The following CNTN4 variants were observed in gnomAD, a reference collection of about 807,000 sequenced individuals.
CNTN4 encodes the protein contactin 4.
In CNTN4, 77 loss-of-function variants were observed where a neutral mutation model predicts 122.5. That is an observed-to-expected ratio of 0.63 (90% CI 0.52 to 0.76). CNTN4 has a LOEUF of 0.76. Among genes scored for constraint, CNTN4 ranks in the 30% least tolerant of loss-of-function variants. CNTN4 has a pLI of 0.00. For missense variants in CNTN4, 1,256 were observed against 1,259.1 expected (o/e 1.00, Z 0.04); for synonymous variants, 512 against 447.0 (o/e 1.15, Z -1.83).
intron 4 of CNTN4, among the ~76,000 whole-genome samples, chr3:2,695,439 C>A (rs1469122208): frequency 6.6e-6 from 1 of 152,136 alleles, no homozygotes; most frequent in African/African-American, 2.4e-5. Context: ...TTTTTCAGAC[C>A]AAGTATATAG....
chr3:2,362,148 C>G (rs2045175594), intron 3 of CNTN4: 1 of 156,460 alleles, frequency 6.4e-6, no homozygotes, highest in Admixed American at 6.4e-5. Context: ...AGGAGAGTGG[C>G]TTGAGCATGA....
intron 2 of CNTN4, among the ~76,000 whole-genome samples, chr3:2,198,250 G>C (rs564494783): frequency 2.0e-5 from 3 of 152,122 alleles, no homozygotes; most frequent in Non-Finnish European, 2.9e-5. Context: ...GTTGCTCTCA[G>C]TTTTATTACC....
chr3:2,611,863 A>G (rs949060803), intron 4 of CNTN4, among the ~76,000 whole-genome samples: 1 of 152,114 alleles, frequency 6.6e-6, no homozygotes, highest in African/African-American at 2.4e-5. Context: ...ACAGTTTTTA[A>G]TCACTTTTTT....
chr3:2,899,949 A>G (rs2094155346), intron 10 of CNTN4, among the ~76,000 whole-genome samples: 1 of 152,196 alleles, frequency 6.6e-6, no homozygotes, highest in Non-Finnish European at 1.5e-5. Context: ...TTAGTGAGGG[A>G]CAAGCTAAGC....
chr3:2,814,074 AC>A (rs1264395791), intron 6 of CNTN4, among the ~76,000 whole-genome samples: 2 of 152,222 alleles, frequency 1.3e-5, no homozygotes, highest in African/African-American at 4.8e-5. Flanking sequence ...AGAATAAAGG[AC>A]AGCTGTTTTC....
chr3:2,997,447 C>T (rs944841526), intron 14 of CNTN4, among the ~76,000 whole-genome samples: 9 of 152,192 alleles, frequency 5.9e-5, no homozygotes, highest in South Asian at 2.1e-4. Context: ...AGAAAGGAGA[C>T]GTGTCAGAAT....
chr3:2,435,050 G>A (rs1382234068), intron 3 of CNTN4, among the ~76,000 whole-genome samples: 1 of 152,136 alleles, frequency 6.6e-6, no homozygotes, highest in Non-Finnish European at 1.5e-5. Flanking sequence ...AATATGTGAA[G>A]CAGAGAGTTG....
At position 3,042,980 on chromosome 3, in the gene CNTN4, A is replaced by G. The variant is rs1700303821; in HGVS notation, c.2515A>G (p.Lys839Glu). The part of the protein sequence containing the change: ...NRGRIQGYEV[K>E]YWRHEDKEEN... The stretch of plus-strand genomic sequence containing the variant: ...GTCTTTCTGTTTATCTTCTTAGGTT[A>G]AATATTGGAGACATGAAGACAAAGA... Residue 839 changes from lysine to glutamate, a missense_variant, in exon 22 of 25, where the codon AAA becomes GAA. Coordinates refer to ENST00000418658, the MANE Select transcript of CNTN4 (RefSeq NM_175607.3). 2 of 1,612,488 alleles carry G rather than the reference A, an allele frequency of 1.2e-6. No individual in the cohort carries two copies. Among genetic ancestry groups the G allele is most frequent in the African/African-American group, 2.7e-5 (2 of 75,002 alleles).
Position 2,988,348 on chromosome 3 carries a change from T to C in CNTN4, c.1362T>C (p.Ile454=), listed in dbSNP as rs776697645. 17 of 1,613,510 alleles carry C rather than the reference T, an allele frequency of 1.1e-5. No homozygotes were observed. The highest frequency in any genetic ancestry group is 5.0e-5 in the Admixed American group (3 of 59,998). The change falls in exon 14 of 25, where the codon ATT becomes ATC. Residue 454 remains isoleucine (I), a synonymous_variant. Transcript: ENST00000418658. ...GGTTCATTTACTTTGATTTCAGAAT[T>C]ACCATTTCTGAAGATGGAAACCTCA... is the stretch of plus-strand genomic sequence containing the variant. ...GRDILKENER[I]TISEDGNLRI... is the part of the protein sequence containing the mutation.
chr3:2,141,015 A>T (rs1482083080), intron 2 of CNTN4, among the ~76,000 whole-genome samples: 1 of 152,186 alleles, frequency 6.6e-6, no homozygotes, highest in African/African-American at 2.4e-5. Context: ...GTTATGTGAA[A>T]CTTTCAAATG....
intron 3 of CNTN4, among the ~76,000 whole-genome samples, chr3:2,387,513 C>G (rs1559508843): frequency 6.6e-6 from 1 of 151,904 alleles, no homozygotes; most frequent in African/African-American, 2.4e-5. Flanking sequence ...ATGCAGTTGG[C>G]TTTTTTATTG....
At chr3:2,773,762 C>CTTTTTTTTTTTTTTTTTTTTTTTTTTTTT (rs1234334638) in intron 6 of CNTN4, among the ~76,000 whole-genome samples, 2 of 107,544 alleles carry the variant, frequency 1.9e-5, no homozygotes, top group African/African-American at 6.9e-5. Context: ...ATGTAGTAGA[C>CTTTTTTTTTTTTTTTTTTTTTTTTTTTTT]TTTTTTTTTT....
intron 7 of CNTN4, among the ~76,000 whole-genome samples, chr3:2,831,271 A>G (rs1222559513): frequency 2.0e-5 from 3 of 152,238 alleles, no homozygotes; most frequent in East Asian, 1.9e-4. Context: ...GAGTATCTGT[A>G]TATTAATCAA....
chr3:2,818,816 TAAATATTTC>T (rs989893348), intron 6 of CNTN4, among the ~76,000 whole-genome samples: 36 of 152,328 alleles, frequency 2.4e-4, no homozygotes, highest in African/African-American at 8.4e-4. Context: ...CAGTACCTTC[TAAATATTTC>T]AAACTACACC....
chr3:2,856,764 A>G (rs1300633483), intron 7 of CNTN4, among the ~76,000 whole-genome samples: 1 of 152,214 alleles, frequency 6.6e-6, no homozygotes, highest in Non-Finnish European at 1.5e-5. Context: ...CCCCAAGAGT[A>G]TACATTAACA....
At chr3:2,168,367 T>C (rs2036294912) in intron 2 of CNTN4, among the ~76,000 whole-genome samples, 1 of 152,042 alleles carries the variant, frequency 6.6e-6, no homozygotes, top group Non-Finnish European at 1.5e-5. Context: ...GGCTTTTGGG[T>C]TTAAGTGGAA....
chr3:3,044,181 C>T (rs116157333), intron 23 of CNTN4, among the ~76,000 whole-genome samples: 2 of 152,044 alleles, frequency 1.3e-5, no homozygotes, highest in East Asian at 1.9e-4. Flanking sequence ...TTGCCTGACC[C>T]CATAAATGTT....
chr3:2,897,065 G>A (rs1204650185), intron 10 of CNTN4, among the ~76,000 whole-genome samples: 1 of 151,530 alleles, frequency 6.6e-6, no homozygotes, highest in Non-Finnish European at 1.5e-5. Flanking sequence ...ATACTCCTGA[G>A]AATTGTTTGA....
At chr3:2,739,470 A>G (rs1049368408) in intron 5 of CNTN4, among the ~76,000 whole-genome samples, 2 of 152,250 alleles carry the variant, frequency 1.3e-5, no homozygotes, top group African/African-American at 4.8e-5. Flanking sequence ...GACAGCTGCA[A>G]CAAATGGGTA....
Sources: allele counts gnomAD v4.1 joint callset (sites outside exome capture counted in the v4.1 genomes callset), GRCh38; gene constraint gnomAD v4.1.1; transcripts MANE v1.5; gene names NCBI Gene and HGNC (gene_info 2026-07-23, HGNC 2026-07-21).